Variants in ME3 observed in about 807,000 individuals in gnomAD.
The protein encoded by ME3 is NADP-dependent malic enzyme, mitochondrial.
ME3 carries 48 observed loss-of-function variants against 68.9 expected under a neutral mutation model. The ratio of observed to expected loss-of-function variants is 0.70; its 90% CI spans 0.55 to 0.89. The LOEUF (loss-of-function observed/expected upper bound fraction) is 0.89. Ranked by LOEUF, ME3 falls within the 40% of genes least tolerant of loss-of-function variation. The pLI is 0.00. For synonymous variants in ME3, 320 were observed against 318.8 expected (o/e 1.00, Z -0.04); for missense variants, 675 against 797.4 (o/e 0.85, Z 1.85).
intron 8 of ME3, 35 bp downstream of exon 8, chr11:86,465,056 C>T: frequency 6.6e-7 from 1 of 1,520,376 alleles, no homozygotes; most frequent in Non-Finnish European, 9.1e-7. Context: ...ATAAGTTAGT[C>T]CCCTGTAGCT....
At position 86,476,590 on chromosome 11, in the gene ME3, AAC is replaced by A. The variant is rs144613137; in HGVS notation, c.809+10745_809+10746del. On this transcript the variant is annotated intron_variant, in intron 7 of 14. Coordinates refer to ENST00000543262, the Ensembl canonical transcript of ME3. ...AGTGGTGAGTTTGAAAGGCCCAAGTAACACTCAGCTTCAAACAGCTGCAAAAA... is the reference window on the plus strand; with the variant it reads ...AGTGGTGAGTTTGAAAGGCCCAAGTAACTCAGCTTCAAACAGCTGCAAAAA... 4.1e-3 allele frequency among the ~76,000 whole-genome samples: 624 copies of A among 152,288 alleles called. 6 individuals carry two copies. Among genetic ancestry groups the A allele is most frequent in the African/African-American group, 0.015 (605 of 41,556 alleles).
chr11:86,664,739 G>T (rs1946487916), intron 2 of ME3, among the ~76,000 whole-genome samples: 1 of 152,142 alleles, frequency 6.6e-6, no homozygotes, highest in Non-Finnish European at 1.5e-5. Flanking sequence ...TCCTAACTCT[G>T]GTCTATTCCC....
intron 2 of ME3, among the ~76,000 whole-genome samples, chr11:86,671,082 A>G (rs938557150): frequency 6.6e-6 from 1 of 152,210 alleles, no homozygotes; most frequent in Admixed American, 6.5e-5. Context: ...GTTGAACTCG[A>G]CCAAAGCATT....
intron 2 of ME3, among the ~76,000 whole-genome samples, chr11:86,670,849 A>G (rs957045708): frequency 6.6e-6 from 1 of 152,240 alleles, no homozygotes; most frequent in African/African-American, 2.4e-5. Flanking sequence ...TTTTATTGTC[A>G]CAATAACCAA....
At chr11:86,562,533 A>G (rs1168685190) in intron 2 of ME3, among the ~76,000 whole-genome samples, 3 of 152,310 alleles carry the variant, frequency 2.0e-5, no homozygotes, top group African/African-American at 7.2e-5. Context: ...CTGTTGCTCT[A>G]CATCCTCTCC....
downstream of ME3, chr11:86,437,261 A>G (rs892189737): frequency 6.6e-6 from 1 of 152,148 alleles, no homozygotes; most frequent in African/African-American, 2.4e-5. Flanking sequence ...GCTGAATAGT[A>G]TTCCATTGCA....
intron 2 of ME3, among the ~76,000 whole-genome samples, chr11:86,602,818 T>G (rs1003452552): frequency 6.6e-6 from 1 of 152,166 alleles, no homozygotes; most frequent in Non-Finnish European, 1.5e-5. Context: ...TATCTGATCT[T>G]TGACAAACCT....
At chr11:86,654,774 G>C (rs1180593282) in intron 2 of ME3, among the ~76,000 whole-genome samples, 2 of 152,116 alleles carry the variant, frequency 1.3e-5, no homozygotes, top group Admixed American at 6.5e-5. Context: ...AGGAAATAAA[G>C]GTCATTCAAT....
At chr11:86,475,375 C>T (rs143469098) in intron 7 of ME3, among the ~76,000 whole-genome samples, 5 of 152,280 alleles carry the variant, frequency 3.3e-5, no homozygotes, top group African/African-American at 1.2e-4. Flanking sequence ...CTGAGGCCTT[C>T]TTAGAAGCTG....
At chr11:86,603,033 C>G (rs1960974642) in intron 2 of ME3, among the ~76,000 whole-genome samples, 1 of 152,204 alleles carries the variant, frequency 6.6e-6, no homozygotes, top group African/African-American at 2.4e-5. Flanking sequence ...AGGACATAGG[C>G]ATGGGCAAGG....
At chr11:86,532,029 A>T (rs1203856039) in intron 4 of ME3, among the ~76,000 whole-genome samples, 1 of 152,166 alleles carries the variant, frequency 6.6e-6, no homozygotes, top group Non-Finnish European at 1.5e-5. Flanking sequence ...AGGGATGGAA[A>T]AAGATATTCC....
chr11:86,603,070 A>G (rs1960980931), intron 2 of ME3, among the ~76,000 whole-genome samples: 1 of 152,254 alleles, frequency 6.6e-6, no homozygotes, highest in South Asian at 2.1e-4. Flanking sequence ...ACCAAAAGCA[A>G]TGGCAACAAA....
At chr11:86,656,299 CAT>C (rs954183658) in intron 2 of ME3, among the ~76,000 whole-genome samples, 1 of 151,926 alleles carries the variant, frequency 6.6e-6, no homozygotes, top group Non-Finnish European at 1.5e-5. Flanking sequence ...CACATGCACA[CAT>C]ATGTTTATTG....
intron 2 of ME3, among the ~76,000 whole-genome samples, chr11:86,566,305 A>G (rs1333706606): frequency 7.9e-5 from 12 of 152,188 alleles, no homozygotes; most frequent in Non-Finnish European, 1.5e-5. Context: ...TTCCTCCAAA[A>G]AGTGAAGAAA....
intron 7 of ME3, among the ~76,000 whole-genome samples, chr11:86,472,772 C>A (rs140081320): frequency 0.021 from 3,126 of 152,164 alleles, 67 homozygotes; most frequent in Middle Eastern, 0.041. Context: ...TCCTCGGAGG[C>A]AATGATTATT....
At chr11:86,476,975 G>A (rs967331133) in intron 7 of ME3, among the ~76,000 whole-genome samples, 1 of 152,264 alleles carries the variant, frequency 6.6e-6, no homozygotes, top group Middle Eastern at 3.4e-3. Flanking sequence ...GCGTGAATGT[G>A]GGCACAGTGA....
rs970564412 is a variant in ME3 at position 86,481,041 on chromosome 11, TTTTTA to T, written c.809+6291_809+6295del. Among the ~76,000 whole-genome samples, 30 of 152,232 alleles carry T rather than the reference TTTTTA, an allele frequency of 2.0e-4. 1 individual carries two copies. The highest frequency in any genetic ancestry group is 3.4e-3 in the Middle Eastern group (1 of 294). On this transcript the variant is annotated intron_variant, in intron 7 of 14. Coordinates refer to ENST00000543262, the Ensembl canonical transcript of ME3. ...TGGGGATGTGGTCCATTAGTTTCTC[TTTTTA>T]TTTTATTTTATTTTTAAGAGGGTCT...
chr11:86,496,405 C>CAAAAGAAAAGAAAAG (rs61497313), intron 6 of ME3, among the ~76,000 whole-genome samples: 9 of 149,648 alleles, frequency 6.0e-5, no homozygotes, highest in African/African-American at 2.2e-4. Flanking sequence ...GAGTCTGTCT[C>CAAAAGAAAAGAAAAG]AAAAGAAAAG....
chr11:86,617,487 T>G (rs1397172603), intron 2 of ME3, among the ~76,000 whole-genome samples: 1 of 152,156 alleles, frequency 6.6e-6, no homozygotes, highest in African/African-American at 2.4e-5. Context: ...TATGTAGTTA[T>G]TTTAGGTCAT....
Sources: gnomAD v4.1 joint callset for allele counts (sites outside exome capture counted in the v4.1 genomes callset) on GRCh38, gnomAD v4.1.1 for gene constraint, MANE v1.5 for transcripts, NCBI Gene and HGNC (gene_info 2026-07-23, HGNC 2026-07-21) for gene names.